CNTROB: variants seen among roughly 807,000 people sequenced by gnomAD.
CNTROB encodes centrobin.
Under a neutral mutation model 115.7 loss-of-function variants are expected in CNTROB, and 82 were observed. The observed-to-expected ratio is 0.71, with a 90% CI of 0.59 to 0.85. The LOEUF (loss-of-function observed/expected upper bound fraction) is 0.85. Among genes scored for constraint, CNTROB ranks in the 40% least tolerant of loss-of-function variants. The pLI, the probability that CNTROB is intolerant of heterozygous loss-of-function variation, is 0.00. For missense variants in CNTROB, 1,014 were observed against 1,144.4 expected (o/e 0.89, Z 1.64); for synonymous variants, 439 against 456.4 (o/e 0.96, Z 0.49).
At chr17:7,949,353 G>A (rs750069604) in intron 18 of CNTROB, 32 bp from the exon 19 acceptor site, 2 of 1,612,252 alleles carry the variant, frequency 1.2e-6, no homozygotes, top group East Asian at 4.5e-5. Flanking sequence ...ATCTGACGCT[G>A]ATTTCTTCCT....
chr17:7,947,090 G>A (rs923479887), intron 13 of CNTROB, among the ~76,000 whole-genome samples: 1 of 151,790 alleles, frequency 6.6e-6, no homozygotes, highest in Non-Finnish European at 1.5e-5. Context: ...GAACCCGGGA[G>A]GCGGAGCTTG....
intron 1 of CNTROB, 74 bp downstream of exon 1, chr17:7,933,423 T>TA (rs1420679642): frequency 6.9e-7 from 1 of 1,440,466 alleles, no homozygotes; most frequent in Non-Finnish European, 9.3e-7. Context: ...TTGGTAAAAA[T>TA]AAAAAGCTTT....
chr17:7,947,495 A>T, intron 13 of CNTROB, 76 bp from the exon 14 acceptor site: 1 of 1,370,766 alleles, frequency 7.3e-7, no homozygotes, highest in Non-Finnish European at 9.9e-7. Flanking sequence ...TCTGAGTATT[A>T]GGTGAGTTGA....
rs570891781 is a variant in CNTROB at position 7,932,760 on chromosome 17, G to C, written c.-320G>C. 8 of 297,408 alleles carry C rather than the reference G, an allele frequency of 2.7e-5. No individual in the cohort carries two copies. The South Asian group carries it at 5.1e-4, about 19-fold the overall frequency. The allele number at this position is 297,408 out of a possible 1,614,324, so 18.4% of individuals were successfully genotyped here. On this transcript the variant is annotated 5_prime_UTR_variant, in exon 1 of 19. Coordinates refer to ENST00000563694, the MANE Select transcript of CNTROB (RefSeq NM_053051.5). ...AGTTGATCTGCAGCTTCCAGCACTCGTAGTCGGGAAGAGGAGCTTCAGCAG... is the reference window on the plus strand; with the variant it reads ...AGTTGATCTGCAGCTTCCAGCACTCCTAGTCGGGAAGAGGAGCTTCAGCAG...
In CNTROB at chr17:7,939,301, C is replaced by G. The variant is rs966203955; in HGVS notation, c.928-212C>G. 1.3e-5 allele frequency among the ~76,000 whole-genome samples: 2 copies of G among 150,898 alleles called. No homozygotes were observed. The highest frequency in any genetic ancestry group is 2.4e-5 in the African/African-American group (1 of 40,950). ...AGAGATGGGGTTTCACCATGTTGGA[C>G]CAGGCTGGTCTCAAACTCCTGACCT... is the stretch of plus-strand genomic sequence containing the variant. On this transcript the variant is annotated intron_variant, in intron 7 of 18. Transcript: ENST00000563694. This position sits in a 1 kb window ranked among gnomAD's most constrained non-coding sequence, Gnocchi z 4.4.
At chr17:7,946,135 A>T in intron 13 of CNTROB, 149 bp downstream of exon 13, 3 of 699,106 alleles carry the variant, frequency 4.3e-6, no homozygotes, top group Non-Finnish European at 7.4e-6. Flanking sequence ...ATCTGCTCAC[A>T]TTGGTCCAAA....
chr17:7,936,427 C>G lies in CNTROB; in HGVS notation c.656C>G (p.Ala219Gly). 1 of 1,576,498 alleles carries G rather than the reference C, an allele frequency of 6.3e-7. No homozygotes were observed. Among genetic ancestry groups the G allele is most frequent in the South Asian group, 1.1e-5 (1 of 90,328 alleles). ...GTGTTAGAGCTACAGCAACAATTAG[C>G]CGTGGCTGTGGCTGCCGACCGCAAG... ...TRVLELQQQL[A>G]VAVAADRKKD... The change falls in exon 5 of 19, where the codon GCC becomes GGC. Residue 219 changes from alanine (A) to glycine (G), a missense_variant. Ala to Gly is a moderately conservative substitution (Grantham distance 60). Coordinates refer to ENST00000563694, the MANE Select transcript of CNTROB (RefSeq NM_053051.5).
At position 7,949,435 on chromosome 17, in the gene CNTROB, A is replaced by T. The variant is rs751040454; in HGVS notation, c.2637A>T (p.Glu879Asp). ...GCCTTGCTACAGCCCCCAAGACTGA[A>T]AAACCTCCCGCACGGAAGAAAAGTG... The part of the protein sequence containing the change: ...PRRLATAPKT[E>D]KPPARKKSGH... Residue 879 changes from glutamate (E) to aspartate (D), a missense_variant, in exon 19 of 19, where the codon GAA becomes GAT. Coordinates refer to ENST00000563694, the MANE Select transcript of CNTROB (RefSeq NM_053051.5). 2 of 1,614,080 alleles carry T rather than the reference A, an allele frequency of 1.2e-6. No individual in the cohort carries two copies. Among genetic ancestry groups the T allele is most frequent in the South Asian group, 2.2e-5 (2 of 91,072 alleles).
At chr17:7,947,053 C>T (rs980247825) in intron 13 of CNTROB, among the ~76,000 whole-genome samples, 2 of 150,816 alleles carry the variant, frequency 1.3e-5, no homozygotes, top group Non-Finnish European at 3.0e-5. Context: ...CCCAGCTACT[C>T]GGGAGGCTGA....
intron 1 of CNTROB, 103 bp downstream of exon 1, chr17:7,933,452 C>A: frequency 8.3e-7 from 1 of 1,207,430 alleles, no homozygotes; most frequent in Non-Finnish European, 1.1e-6. Context: ...TTGAACTCTT[C>A]CTGTTGGATT....
intron 7 of CNTROB, among the ~76,000 whole-genome samples, chr17:7,938,114 C>T (rs1973420302): frequency 6.7e-6 from 1 of 150,050 alleles, no homozygotes. Context: ...GCGATTCTCC[C>T]ACCTTAGCCT....
At position 7,940,165 on chromosome 17, in the gene CNTROB, G is replaced by T. The variant is rs1424442344; in HGVS notation, c.1234G>T (p.Val412Leu). ...CCAGTTGGCATTGGTGCAGTCTGAG[G>T]TGCGGCGGCTGGAAGGAGAGCTGGA... ...QHQLALVQSEVRRLEGELDTA... is the reference protein window; with the variant it reads ...QHQLALVQSELRRLEGELDTA... Residue 412 changes from valine (V) to leucine (L), a missense_variant, in exon 9 of 19, where the codon GTG becomes TTG. By Grantham distance (32) the Val-to-Leu change is conservative (BLOSUM62 1). Coordinates refer to ENST00000563694, the MANE Select transcript of CNTROB (RefSeq NM_053051.5). 1 of 1,612,820 alleles carries T rather than the reference G, an allele frequency of 6.2e-7. No individual in the cohort carries two copies. Among genetic ancestry groups the T allele is most frequent in the South Asian group, 1.1e-5 (1 of 90,912 alleles).
intron 7 of CNTROB, among the ~76,000 whole-genome samples, chr17:7,937,657 G>A (rs1201211264): frequency 6.6e-6 from 1 of 151,998 alleles, no homozygotes. Context: ...CAAAAAACTA[G>A]CTGGACATGG....
chr17:7,939,799 C>A lies in CNTROB; in HGVS notation c.1164+50C>A, dbSNP rs758636191. The A allele has an allele frequency of 5.3e-6, 8 of 1,505,098 alleles. 1 individual carries two copies. In the South Asian group the frequency reaches 7.9e-5, roughly 15 times the overall value. The allele number at this position is 1,505,098 out of a possible 1,614,324, so 93.2% of individuals were successfully genotyped here. ...GAGGAACTAGGGAGTAGATGAAGGGCAAAATAATTGAATGGGATGGAATGT... is the reference window on the plus strand; with the variant it reads ...GAGGAACTAGGGAGTAGATGAAGGGAAAAATAATTGAATGGGATGGAATGT... On this transcript the variant is annotated intron_variant, in intron 8 of 18. Transcript: ENST00000563694. This position sits in a 1 kb window ranked among gnomAD's most constrained non-coding sequence, Gnocchi z 4.4.
Position 7,932,334 on chromosome 17 carries a change from A to AT in CNTROB, c.-746_-745insT. The AT allele has an allele frequency of 5.8e-6, 1 of 172,992 alleles. No homozygotes were observed. Among genetic ancestry groups the AT allele is most frequent in the Non-Finnish European group, 1.2e-5 (1 of 80,002 alleles). 10.7% of individuals were successfully genotyped at this position (172,992 alleles called of 1,614,324 possible). On this transcript the variant is annotated 5_prime_UTR_variant, in exon 1 of 19. It adds an upstream start codon to the 5' untranslated region. Coordinates refer to ENST00000563694, the MANE Select transcript of CNTROB (RefSeq NM_053051.5). ...GGGACTGAGGACTGGAAGGGTGGAGAGTAGGCGGAACCAGGTGGTCGTCGG... is the reference window on the plus strand; with the variant it reads ...GGGACTGAGGACTGGAAGGGTGGAGATGTAGGCGGAACCAGGTGGTCGTCGG...
rs774493362 is a variant in CNTROB at position 7,939,517 on chromosome 17, A to T, written c.932A>T (p.Glu311Val). ...GGTTTTCTTCTGCGGCTGTAGGAGG[A>T]GGAAAGGCAAGCTCTGACTCTGAGG... Reference protein sequence around the residue: ...LQQRERETLEEERQALTLRLE... With the variant: ...LQQRERETLEVERQALTLRLE... The change falls in exon 8 of 19, where the codon GAG becomes GTG. Residue 311 changes from glutamate (E) to valine (V), a missense_variant. By Grantham distance (121) the Glu-to-Val change is moderately radical (BLOSUM62 -2). Transcript: ENST00000563694. The surrounding 1 kb of genome is among the most constrained non-coding windows in gnomAD (Gnocchi z 4.4). 5.6e-6 allele frequency: 9 copies of T among 1,613,864 alleles called. No individual in the cohort carries two copies. The highest frequency in any genetic ancestry group is 1.7e-5 in the Admixed American group (1 of 60,010).
chr17:7,937,803 A>AAAAAAT (rs1028846149), intron 7 of CNTROB, among the ~76,000 whole-genome samples: 2 of 152,048 alleles, frequency 1.3e-5, no homozygotes, highest in African/African-American at 4.8e-5. Context: ...ACTCCATCTC[A>AAAAAAT]AAAAATAAAA....
chr17:7,936,397 C>G lies in CNTROB; in HGVS notation c.626C>G (p.Thr209Ser). ...HCERHIQSLQ[T>S]RVLELQQQLA... ...GAGCGCCATATTCAGAGCCTGCAGACCCGAGTGTTAGAGCTACAGCAACAA... is the reference window on the plus strand; with the variant it reads ...GAGCGCCATATTCAGAGCCTGCAGAGCCGAGTGTTAGAGCTACAGCAACAA... The change falls in exon 5 of 19, where the codon ACC becomes AGC. Residue 209 changes from threonine to serine, a missense_variant. Thr to Ser is a moderately conservative substitution (Grantham distance 58). Transcript: ENST00000563694. 6.5e-7 allele frequency: 1 copy of G among 1,546,640 alleles called. No homozygotes were observed. The highest frequency in any genetic ancestry group is 8.9e-7 in the Non-Finnish European group (1 of 1,118,478).
chr17:7,936,025 A>G (rs185692250), intron 4 of CNTROB: 11 of 238,678 alleles, frequency 4.6e-5, no homozygotes, highest in Non-Finnish European at 8.3e-5. Flanking sequence ...ATTGTGTCCA[A>G]TGAGCTTCTG....
Sources: allele counts gnomAD v4.1 joint callset (sites outside exome capture counted in the v4.1 genomes callset), GRCh38; gene constraint gnomAD v4.1.1; non-coding constraint Gnocchi (gnomAD v3.1); transcripts MANE v1.5; gene names NCBI Gene and HGNC (gene_info 2026-07-23, HGNC 2026-07-21).